ASIC2: variants seen among roughly 807,000 people sequenced by gnomAD.
ASIC2 encodes acid-sensing ion channel 2.
ASIC2 carries 25 observed loss-of-function variants against 57.3 expected under a neutral mutation model. That is an observed-to-expected ratio of 0.44 (90% CI 0.32 to 0.61). The LOEUF (loss-of-function observed/expected upper bound fraction) is 0.61, where lower values mean the gene tolerates loss of function less well. Ranked by LOEUF, ASIC2 falls within the 20% of genes least tolerant of loss-of-function variation. ASIC2 has a pLI of 0.06. For synonymous variants in ASIC2, 319 were observed against 307.5 expected (o/e 1.04, Z -0.39); for missense variants, 641 against 738.1 (o/e 0.87, Z 1.52).
intron 1 of ASIC2, among the ~76,000 whole-genome samples, chr17:33,900,457 A>G (rs775385914): frequency 6.6e-6 from 1 of 152,208 alleles, no homozygotes; most frequent in Non-Finnish European, 1.5e-5. Context: ...GAATCTGTAC[A>G]TACTCATTAA....
chr17:33,242,659 C>T (rs319759), intron 1 of ASIC2, among the ~76,000 whole-genome samples: 14,776 of 152,180 alleles, frequency 0.097, 749 homozygotes, highest in Middle Eastern at 0.16. Context: ...AGAGTAATCC[C>T]GAGACGTCCG....
At chr17:33,941,174 G>A (rs117243051) in intron 1 of ASIC2, among the ~76,000 whole-genome samples, 3,830 of 152,296 alleles carry the variant, frequency 0.025, 91 homozygotes, top group Admixed American at 0.086. Flanking sequence ...AACTCATGAG[G>A]GGCCAGACGA....
chr17:33,576,865 T>A (rs1383231469), intron 1 of ASIC2, among the ~76,000 whole-genome samples: 1 of 152,196 alleles, frequency 6.6e-6, no homozygotes, highest in Non-Finnish European at 1.5e-5. Flanking sequence ...ATAGAACATC[T>A]CTGGGCTTCA....
chr17:34,073,382 AT>A (rs1909499082), intron 1 of ASIC2, among the ~76,000 whole-genome samples: 1 of 152,212 alleles, frequency 6.6e-6, no homozygotes, highest in Admixed American at 6.5e-5. Context: ...CTGATCCCTG[AT>A]TTGCACACCC....
chr17:33,515,290 T>C (rs1914532862), intron 1 of ASIC2, among the ~76,000 whole-genome samples: 1 of 152,118 alleles, frequency 6.6e-6, no homozygotes, highest in Admixed American at 6.6e-5. Flanking sequence ...CTGCCTAGTC[T>C]CTCCCAACCA....
rs12601349 is a variant in ASIC2 at position 33,575,581 on chromosome 17, T to C, written c.556-463514A>G. Among the ~76,000 whole-genome samples the C allele has an allele frequency of 7.0e-3, 1,071 of 152,314 alleles. 5 individuals carry two copies. Among genetic ancestry groups the C allele is most frequent in the African/African-American group, 0.02 (828 of 41,556 alleles). ...GAGTTACTCAGGCCTACCTATGGTTTGTCCTCTTTTCCAAGAGAATTGGCA... is the reference window on the plus strand; with the variant it reads ...GAGTTACTCAGGCCTACCTATGGTTCGTCCTCTTTTCCAAGAGAATTGGCA... On this transcript the variant is annotated intron_variant, in intron 1 of 9. Coordinates refer to the ASIC2 transcript ENST00000359872.
chr17:33,499,642 G>A (rs1053177676), intron 1 of ASIC2, among the ~76,000 whole-genome samples: 3 of 152,192 alleles, frequency 2.0e-5, no homozygotes, highest in African/African-American at 7.2e-5. Flanking sequence ...ACTTTGTTAC[G>A]GAGACCCTGG....
At chr17:33,095,618 G>A (rs1260608826) in intron 2 of ASIC2, among the ~76,000 whole-genome samples, 3 of 152,124 alleles carry the variant, frequency 2.0e-5, no homozygotes, top group African/African-American at 4.8e-5. Context: ...GCCAAGCTGG[G>A]TTCACATGAA....
chr17:33,335,111 G>A (rs1210773573), intron 1 of ASIC2, among the ~76,000 whole-genome samples: 9 of 152,160 alleles, frequency 5.9e-5, no homozygotes, highest in Non-Finnish European at 1.2e-4. Context: ...ACATTAAATT[G>A]TGAGAATGCA....
At chr17:33,549,560 A>C (rs1915683335) in intron 1 of ASIC2, among the ~76,000 whole-genome samples, 1 of 152,158 alleles carries the variant, frequency 6.6e-6, no homozygotes, top group South Asian at 2.1e-4. Context: ...CTTCCTTTCA[A>C]GGCTCATTTT....
intron 1 of ASIC2, among the ~76,000 whole-genome samples, chr17:33,456,465 G>C (rs548321925): frequency 6.6e-6 from 1 of 151,988 alleles, no homozygotes; most frequent in African/African-American, 2.4e-5. Flanking sequence ...GACAACCCTC[G>C]GAGCTCATCC....
At chr17:33,472,084 A>T (rs941077177) in intron 1 of ASIC2, among the ~76,000 whole-genome samples, 6 of 147,528 alleles carry the variant, frequency 4.1e-5, no homozygotes, top group African/African-American at 1.5e-4. Context: ...CAATGGCGTG[A>T]TCTTGGCTCA....
At chr17:33,631,920 A>G (rs1026220181) in intron 1 of ASIC2, among the ~76,000 whole-genome samples, 1 of 152,178 alleles carries the variant, frequency 6.6e-6, no homozygotes, top group Non-Finnish European at 1.5e-5. Context: ...GTCTCTTCCA[A>G]GTCTGAGATT....
intron 1 of ASIC2, among the ~76,000 whole-genome samples, chr17:33,494,515 T>A (rs1913865369): frequency 1.3e-5 from 2 of 152,176 alleles, no homozygotes; most frequent in Admixed American, 1.3e-4. Context: ...GTCAATGGAA[T>A]AAGGTGCATT....
At chr17:33,980,019 G>A (rs2142003454) in intron 1 of ASIC2, among the ~76,000 whole-genome samples, 1 of 152,156 alleles carries the variant, frequency 6.6e-6, no homozygotes, top group East Asian at 1.9e-4. Context: ...GGTATTCTGA[G>A]CTGGGCTCCA....
chr17:33,810,414 G>A (rs1912385350), intron 1 of ASIC2, among the ~76,000 whole-genome samples: 1 of 152,132 alleles, frequency 6.6e-6, no homozygotes, highest in Non-Finnish European at 1.5e-5. Flanking sequence ...AATGTGTGGG[G>A]GTGGGCATCA....
intron 1 of ASIC2, among the ~76,000 whole-genome samples, chr17:34,127,082 C>T (rs1325029765): frequency 2.0e-5 from 3 of 152,204 alleles, no homozygotes; most frequent in African/African-American, 7.2e-5. Context: ...TAAGCGTTTG[C>T]ATTTGGCAGA....
At chr17:33,183,937 G>T (rs377085092) in intron 1 of ASIC2, among the ~76,000 whole-genome samples, 18 of 152,152 alleles carry the variant, frequency 1.2e-4, no homozygotes, top group African/African-American at 4.1e-4. Context: ...ATCCCTTAAC[G>T]TCTCTGGGCT....
intron 2 of ASIC2, among the ~76,000 whole-genome samples, chr17:33,102,840 A>G (rs564412037): frequency 1.4e-4 from 22 of 152,206 alleles, no homozygotes; most frequent in Admixed American, 5.2e-4. Context: ...CTGGAGTGCA[A>G]TGGCATGATC....
Sources: gnomAD v4.1 joint callset for allele counts (sites outside exome capture counted in the v4.1 genomes callset) on GRCh38, gnomAD v4.1.1 for gene constraint, MANE v1.5 for transcripts, NCBI Gene and HGNC (gene_info 2026-07-23, HGNC 2026-07-21) for gene names.